NEK11: variants seen among roughly 807,000 people sequenced by gnomAD.
NEK11 encodes the protein NIMA related kinase 11.
NEK11 carries 72 observed loss-of-function variants against 80.7 expected under a neutral mutation model. That is an observed-to-expected ratio of 0.89 (90% CI 0.74 to 1.08). The LOEUF (loss-of-function observed/expected upper bound fraction) is 1.08. Ranked by LOEUF, NEK11 falls within the 50% of genes least tolerant of loss-of-function variation. The probability of loss-of-function intolerance (pLI) is 0.00; values close to 1 mark genes in which losing one functional copy is unlikely to be tolerated. For synonymous variants in NEK11, 251 were observed against 260.7 expected, an observed-to-expected ratio of 0.96 and a Z score of 0.36; for missense variants, 764 against 763.6, an observed-to-expected ratio of 1.00 and a Z score of -0.01.
At chr3:131,256,681 A>C (rs2095822066) in intron 16 of NEK11, among the ~76,000 whole-genome samples, 1 of 152,112 alleles carries the variant, frequency 6.6e-6, no homozygotes, top group East Asian at 1.9e-4. Context: ...GGAGGGCGTA[A>C]CTGGATGGTT....
chr3:131,091,409 C>G (rs1381605016), intron 4 of NEK11, among the ~76,000 whole-genome samples: 2 of 152,076 alleles, frequency 1.3e-5, no homozygotes, highest in African/African-American at 4.8e-5. Context: ...CACTTAATAT[C>G]AATGCAGGAA....
At chr3:131,155,645 C>T (rs972574259) in intron 10 of NEK11, among the ~76,000 whole-genome samples, 1 of 152,202 alleles carries the variant, frequency 6.6e-6, no homozygotes, top group South Asian at 2.1e-4. Flanking sequence ...TCTCCTACCT[C>T]GTTCAAAATT....
chr3:131,035,976 G>C (rs2065575297), intron 3 of NEK11, among the ~76,000 whole-genome samples: 1 of 152,124 alleles, frequency 6.6e-6, no homozygotes, highest in South Asian at 2.1e-4. Context: ...AATATTGAAA[G>C]TAATGTGTAT....
chr3:131,118,937 A>C (rs2081851545), intron 5 of NEK11, among the ~76,000 whole-genome samples: 1 of 151,824 alleles, frequency 6.6e-6, no homozygotes, highest in Non-Finnish European at 1.5e-5. Flanking sequence ...GGATTGATTG[A>C]TTTTTTGAAG....
At chr3:131,343,390 A>G (rs1267396892) in intron 17 of NEK11, among the ~76,000 whole-genome samples, 3 of 152,190 alleles carry the variant, frequency 2.0e-5, no homozygotes, top group Admixed American at 6.5e-5. Flanking sequence ...GGCCAAGTAT[A>G]TAGTTACTGA....
intron 3 of NEK11, among the ~76,000 whole-genome samples, chr3:131,071,157 C>T (rs1209246925): frequency 6.6e-6 from 1 of 152,042 alleles, no homozygotes; most frequent in Admixed American, 6.6e-5. Flanking sequence ...TTTGTCTATG[C>T]TAATGTTATT....
At chr3:131,257,653 T>A (rs12632194) in intron 16 of NEK11, among the ~76,000 whole-genome samples, 20,835 of 152,050 alleles carry the variant, frequency 0.14, 2,161 homozygotes, top group East Asian at 0.3. Context: ...CTGACGATAG[T>A]GAGAGCTACA....
intron 17 of NEK11, among the ~76,000 whole-genome samples, chr3:131,294,729 T>A (rs1253422540): frequency 6.6e-6 from 1 of 152,170 alleles, no homozygotes; most frequent in East Asian, 1.9e-4. Flanking sequence ...GCTTCATGTA[T>A]TTTGACACTC....
chr3:131,093,414 A>C (rs1560363427), intron 4 of NEK11, among the ~76,000 whole-genome samples: 1 of 114,202 alleles, frequency 8.8e-6, no homozygotes, highest in Non-Finnish European at 1.8e-5. Context: ...ATCATGTGGA[A>C]AGAACCAGAT....
At chr3:131,087,411 T>G (rs2076140071) in intron 4 of NEK11, among the ~76,000 whole-genome samples, 1 of 151,858 alleles carries the variant, frequency 6.6e-6, no homozygotes, top group African/African-American at 2.4e-5. Context: ...GCCCAGCTAA[T>G]TTTTGTATTT....
At chr3:131,219,984 ATTGCCATCTGAC>A (rs1444365710) in intron 14 of NEK11, among the ~76,000 whole-genome samples, 2 of 152,202 alleles carry the variant, frequency 1.3e-5, no homozygotes, top group African/African-American at 4.8e-5. Context: ...GCAGAATTTG[ATTGCCATCTGAC>A]CCTACAGGTG....
intron 14 of NEK11, among the ~76,000 whole-genome samples, chr3:131,191,052 G>T (rs114211086): frequency 0.013 from 2,008 of 152,158 alleles, 40 homozygotes; most frequent in African/African-American, 0.045. Context: ...CCTTACAGAG[G>T]TATGTTATTA....
At chr3:131,033,933 A>G (rs1050092426) in intron 3 of NEK11, among the ~76,000 whole-genome samples, 3 of 152,200 alleles carry the variant, frequency 2.0e-5, no homozygotes, top group Non-Finnish European at 4.4e-5. Context: ...TTTTTCCTTT[A>G]TTATGCATCA....
At chr3:131,104,914 C>T (rs972892826) in intron 4 of NEK11, among the ~76,000 whole-genome samples, 6 of 152,316 alleles carry the variant, frequency 3.9e-5, no homozygotes, top group African/African-American at 1.4e-4. Flanking sequence ...CTCATCCTTT[C>T]CTTGCAGCTG....
chr3:131,078,487 C>G (rs1051497861), intron 3 of NEK11, among the ~76,000 whole-genome samples: 3 of 152,032 alleles, frequency 2.0e-5, no homozygotes, highest in East Asian at 3.9e-4. Context: ...ATTGTAGTCT[C>G]TCACTGAGAA....
At chr3:131,312,194 C>T (rs776798173) in intron 17 of NEK11, among the ~76,000 whole-genome samples, 20 of 152,134 alleles carry the variant, frequency 1.3e-4, no homozygotes, top group South Asian at 2.1e-4. Context: ...ACTTGGACTC[C>T]GATTTTTCTT....
At chr3:131,105,960 G>A (rs947208059) in intron 4 of NEK11, among the ~76,000 whole-genome samples, 1 of 152,068 alleles carries the variant, frequency 6.6e-6, no homozygotes, top group Non-Finnish European at 1.5e-5. Context: ...CTTACCAAAA[G>A]CACATCTTAC....
At chr3:131,102,403 T>G (rs2078512184) in intron 4 of NEK11, among the ~76,000 whole-genome samples, 1 of 152,218 alleles carries the variant, frequency 6.6e-6, no homozygotes, top group Admixed American at 6.5e-5. Flanking sequence ...TCTGCTTTTC[T>G]GAGAAGGGTT....
Position 131,029,848 on chromosome 3 carries a change from C to T in NEK11, c.140C>T (p.Ser47Leu), listed in dbSNP as rs779436590. ...AGTTTTGGAACTGTCTATCTGGTTTCAGACAAGAAAGCCAAACGAGGAGAG... is the reference window on the plus strand; with the variant it reads ...AGTTTTGGAACTGTCTATCTGGTTTTAGACAAGAAAGCCAAACGAGGAGAG... ...SGSFGTVYLV[S>L]DKKAKRGEEL... The change falls in exon 3 of 18, where the codon TCA becomes TTA. Residue 47 changes from serine (S) to leucine (L), a missense_variant. Transcript: ENST00000383366. The T allele has an allele frequency of 6.2e-7, 1 of 1,614,214 alleles. No homozygotes were observed. Among genetic ancestry groups the T allele is most frequent in the Admixed American group, 1.7e-5 (1 of 60,030 alleles).
Sources: gnomAD v4.1 joint callset for allele counts (sites outside exome capture counted in the v4.1 genomes callset) on GRCh38, gnomAD v4.1.1 for gene constraint, MANE v1.5 for transcripts, NCBI Gene and HGNC (gene_info 2026-07-23, HGNC 2026-07-21) for gene names.